Variants in TAFA5 observed in about 807,000 individuals in gnomAD.
The protein encoded by TAFA5 is chemokine-like protein TAFA-5.
In TAFA5, 6 loss-of-function variants were observed where a neutral mutation model predicts 15.3. The observed-to-expected ratio is 0.39, with a 90% CI of 0.21 to 0.77. The LOEUF is 0.77. Ranked by LOEUF, TAFA5 falls within the 30% of genes least tolerant of loss-of-function variation. TAFA5 has a pLI of 0.41. For missense variants in TAFA5, 161 were observed against 193.1 expected (o/e 0.83, Z 0.98); for synonymous variants, 103 against 80.7 (o/e 1.28, Z -1.48).
intron 3 of TAFA5, among the ~76,000 whole-genome samples, chr22:48,745,841 T>A (rs936693625): frequency 6.6e-6 from 1 of 152,156 alleles, no homozygotes; most frequent in Admixed American, 6.5e-5. Context: ...CAGGCACCTC[T>A]CCTGGCAGCA....
At chr22:48,549,039 G>A (rs1315420732) in intron 1 of TAFA5, among the ~76,000 whole-genome samples, 1 of 152,228 alleles carries the variant, frequency 6.6e-6, no homozygotes, top group African/African-American at 2.4e-5. Context: ...CACATAAAAT[G>A]TGAATTCATT....
intron 2 of TAFA5, among the ~76,000 whole-genome samples, chr22:48,694,644 C>T (rs1928645179): frequency 6.6e-6 from 1 of 152,124 alleles, no homozygotes; most frequent in African/African-American, 2.4e-5. Context: ...TCTGGTACTG[C>T]TCCCGGGCAG....
intron 1 of TAFA5, among the ~76,000 whole-genome samples, chr22:48,503,877 C>T (rs1920968716): frequency 6.6e-6 from 1 of 152,166 alleles, no homozygotes; most frequent in African/African-American, 2.4e-5. Context: ...GGGAAGGAGC[C>T]CATCCCCACG....
chr22:48,690,746 A>C (rs132224), intron 2 of TAFA5, among the ~76,000 whole-genome samples: 136,374 of 152,170 alleles, frequency 0.9, 61,443 homozygotes, highest in African/African-American at 0.94. Context: ...GCTGGACGTG[A>C]CCTGAGGCAC....
intron 1 of TAFA5, among the ~76,000 whole-genome samples, chr22:48,638,773 T>TA (rs1926563485): frequency 1.9e-5 from 1 of 51,852 alleles, no homozygotes; most frequent in African/African-American, 1.3e-4. Context: ...ACCCCCCCCA[T>TA]CCCCCGACAC....
intron 1 of TAFA5, among the ~76,000 whole-genome samples, chr22:48,523,887 C>T (rs1339600458): frequency 2.0e-5 from 3 of 152,192 alleles, no homozygotes; most frequent in African/African-American, 7.2e-5. Flanking sequence ...AGGCGGCTGG[C>T]GCTGGCCTTT....
At position 48,597,157 on chromosome 22, in the gene TAFA5, C is replaced by T. The variant is rs181484503; in HGVS notation, c.113-49440C>T. On this transcript the variant is annotated intron_variant, in intron 1 of 3. Transcript: ENST00000402357. ...AGCATTCATGTAAAGTTATTTGCCT[C>T]GTGAACCACCATTGATGGTCCCAGA... 2.6e-3 allele frequency among the ~76,000 whole-genome samples: 402 copies of T among 152,350 alleles called. 2 individuals carry two copies. Among genetic ancestry groups the T allele is most frequent in the Non-Finnish European group, 4.5e-3 (307 of 68,036 alleles).
intron 1 of TAFA5, among the ~76,000 whole-genome samples, chr22:48,503,085 T>A (rs1920962310): frequency 6.6e-6 from 1 of 152,154 alleles, no homozygotes; most frequent in African/African-American, 2.4e-5. Context: ...TGTTGGCTCA[T>A]TTTCGGGGTT....
At chr22:48,615,352 C>T (rs1000032246) in intron 1 of TAFA5, among the ~76,000 whole-genome samples, 9 of 152,306 alleles carry the variant, frequency 5.9e-5, no homozygotes, top group South Asian at 4.1e-4. Context: ...CAAAGGGAAG[C>T]GGATGGCTTG....
chr22:48,611,766 G>A (rs1925419150), intron 1 of TAFA5, among the ~76,000 whole-genome samples: 1 of 152,022 alleles, frequency 6.6e-6, no homozygotes, highest in African/African-American at 2.4e-5. Flanking sequence ...TCACTCTTCA[G>A]TAAAGCATGT....
chr22:48,489,765 GCCCCGGCAGGCGCCCCGCGGGC>G lies in TAFA5; in HGVS notation c.112+63_112+84del. On this transcript the variant is annotated intron_variant, in intron 1 of 3. Transcript: ENST00000402357. This position sits in a 1 kb window ranked among gnomAD's most constrained non-coding sequence, Gnocchi z 5.5. The stretch of plus-strand genomic sequence containing the variant: ...TCTGGGCCCCGGACCCCCTCCTCCG[GCCCCGGCAGGCGCCCCGCGGGC>G]CTCCCGGAGTCGGCGCGGAGTTACG... 5 of 1,074,482 alleles carry G rather than the reference GCCCCGGCAGGCGCCCCGCGGGC, an allele frequency of 4.7e-6. No homozygotes were observed. Among genetic ancestry groups the G allele is most frequent in the Non-Finnish European group, 6.1e-6 (5 of 816,154 alleles). 66.6% of individuals were successfully genotyped at this position (1,074,482 alleles called of 1,614,324 possible). A position where few individuals can be genotyped will look rare whatever the true frequency, so the allele number is the denominator to read the frequency against.
intron 1 of TAFA5, among the ~76,000 whole-genome samples, chr22:48,629,639 CAG>C (rs972591342): frequency 2.6e-5 from 4 of 152,230 alleles, no homozygotes; most frequent in African/African-American, 7.2e-5. Context: ...TTTTGCCCCT[CAG>C]GGGACATTTG....
At chr22:48,561,507 CCT>C (rs1442673938) in intron 1 of TAFA5, among the ~76,000 whole-genome samples, 1 of 152,174 alleles carries the variant, frequency 6.6e-6, no homozygotes, top group Non-Finnish European at 1.5e-5. Context: ...TGGAGCCTGA[CCT>C]CTCTGTGGAG....
intron 2 of TAFA5, among the ~76,000 whole-genome samples, chr22:48,664,938 CTT>C (rs1257195914): frequency 5.9e-5 from 9 of 152,180 alleles, no homozygotes; most frequent in Non-Finnish European, 1.0e-4. Context: ...TGTCCACTGA[CTT>C]ATCTCCAGCA....
At chr22:48,722,201 G>GTTGTTTCC (rs1225026009) in intron 3 of TAFA5, among the ~76,000 whole-genome samples, 1 of 152,178 alleles carries the variant, frequency 6.6e-6, no homozygotes, top group Non-Finnish European at 1.5e-5. Flanking sequence ...TCCAGCATCT[G>GTTGTTTCC]TTGTTTCCTG....
At chr22:48,510,844 C>T (rs1234488387) in intron 1 of TAFA5, among the ~76,000 whole-genome samples, 1 of 152,256 alleles carries the variant, frequency 6.6e-6, no homozygotes, top group Non-Finnish European at 1.5e-5. Context: ...GGCAGCCATG[C>T]GCATTGCAGG....
intron 1 of TAFA5, among the ~76,000 whole-genome samples, chr22:48,542,489 GTGGTGTGTGTGC>G (rs1482025678): frequency 1.6e-5 from 2 of 127,596 alleles, no homozygotes; most frequent in African/African-American, 3.0e-5. Flanking sequence ...TGGTGTGTGT[GTGGTGTGTGTGC>G]GTGTGTGGCA....
At chr22:48,714,717 C>A (rs1929351651) in intron 3 of TAFA5, among the ~76,000 whole-genome samples, 1 of 152,220 alleles carries the variant, frequency 6.6e-6, no homozygotes, top group Admixed American at 6.5e-5. Flanking sequence ...ACACTTCCTG[C>A]CTGTGTGTCC....
At chr22:48,637,082 GC>G (rs1235738252) in intron 1 of TAFA5, among the ~76,000 whole-genome samples, 2 of 150,866 alleles carry the variant, frequency 1.3e-5, no homozygotes, top group East Asian at 3.9e-4. Context: ...GGAGGTGTCT[GC>G]AGGTGAGCAG....
Sources: allele counts gnomAD v4.1 joint callset (sites outside exome capture counted in the v4.1 genomes callset), GRCh38; gene constraint gnomAD v4.1.1; non-coding constraint Gnocchi (gnomAD v3.1); transcripts MANE v1.5; gene names NCBI Gene and HGNC (gene_info 2026-07-23, HGNC 2026-07-21).